The following TACR1 variants were observed in gnomAD, a reference collection of about 807,000 sequenced individuals.
The protein encoded by TACR1 is tachykinin receptor 1.
In TACR1, 25 loss-of-function variants were observed where a neutral mutation model predicts 35.8. The ratio of observed to expected loss-of-function variants is 0.70; its 90% confidence interval spans 0.51 to 0.98. TACR1 has a LOEUF of 0.98. Ranked by LOEUF, TACR1 falls within the 50% of genes least tolerant of loss-of-function variation. The pLI is 0.00. For synonymous variants in TACR1, 195 were observed against 206.7 expected, an observed-to-expected ratio of 0.94 and a Z score of 0.48; for missense variants, 478 against 522.9, an observed-to-expected ratio of 0.91 and a Z score of 0.84.
intron 1 of TACR1, among the ~76,000 whole-genome samples, chr2:75,152,022 A>G (rs886431546): frequency 4.6e-5 from 7 of 152,270 alleles, no homozygotes; most frequent in African/African-American, 1.4e-4. Context: ...GAATGGCTGT[A>G]TTTACCCAAT....
intron 1 of TACR1, among the ~76,000 whole-genome samples, chr2:75,144,112 A>G (rs1299567603): frequency 2.0e-5 from 3 of 152,148 alleles, no homozygotes; most frequent in Non-Finnish European, 4.4e-5. Flanking sequence ...AATGTTCCTA[A>G]CTTTCAGCCG....
chr2:75,068,532 C>CT (rs1227469883), intron 2 of TACR1, among the ~76,000 whole-genome samples: 1 of 152,200 alleles, frequency 6.6e-6, no homozygotes, highest in African/African-American at 2.4e-5. Context: ...ATAATAATAA[C>CT]TACCACTACT....
chr2:75,053,775 A>G lies in TACR1; in HGVS notation c.585-20T>C, dbSNP rs993890421. On this transcript the variant is annotated intron_variant, in intron 2 of 4. Coordinates refer to ENST00000305249, the MANE Select transcript of TACR1 (RefSeq NM_001058.4). Reference sequence around the variant, plus strand: ...TGGTACCTACAGCAAGGTAAACAGGAAAGGTCAGTATGATATACTTATTAT... The same window carrying G: ...TGGTACCTACAGCAAGGTAAACAGGGAAGGTCAGTATGATATACTTATTAT... The G allele has an allele frequency of 3.7e-6, 6 of 1,614,014 alleles. No individual in the cohort carries two copies. In the African/African-American group the frequency reaches 8.0e-5, roughly 22 times the overall value.
At chr2:75,116,911 A>C (rs957239510) in intron 2 of TACR1, among the ~76,000 whole-genome samples, 1 of 146,206 alleles carries the variant, frequency 6.8e-6, no homozygotes, top group Non-Finnish European at 1.5e-5. Flanking sequence ...ACTCCGTCTC[A>C]AAAAAAAAAA....
chr2:75,141,572 G>A (rs1370748359), intron 1 of TACR1, among the ~76,000 whole-genome samples: 1 of 151,852 alleles, frequency 6.6e-6, no homozygotes, highest in Non-Finnish European at 1.5e-5. Flanking sequence ...GATGGTACTA[G>A]GAAAGAACTA....
intron 1 of TACR1, among the ~76,000 whole-genome samples, chr2:75,183,952 C>T (rs890313702): frequency 2.6e-5 from 4 of 152,224 alleles, no homozygotes; most frequent in Non-Finnish European, 5.9e-5. Context: ...AAAAGCTTCT[C>T]ACTGAAGTTC....
intron 1 of TACR1, 76 bp from the exon 2 acceptor site, chr2:75,120,844 C>T (rs1197725001): frequency 8.1e-7 from 1 of 1,229,382 alleles, no homozygotes. Context: ...TTTTTCCTGC[C>T]AATAAGAAAA....
chr2:75,050,252 A>G (rs1672440393), intron 4 of TACR1, among the ~76,000 whole-genome samples: 2 of 152,334 alleles, frequency 1.3e-5, no homozygotes, highest in South Asian at 4.1e-4. Flanking sequence ...GCTAGACTTA[A>G]CCTAAAAAAA....
At chr2:75,109,999 T>TCTCA (rs1422627841) in intron 2 of TACR1, among the ~76,000 whole-genome samples, 3 of 152,156 alleles carry the variant, frequency 2.0e-5, no homozygotes, top group Admixed American at 6.5e-5. Context: ...GATTAAAAGG[T>TCTCA]CTCAGCAATG....
At chr2:75,194,111 A>T (rs967786964) in intron 1 of TACR1, among the ~76,000 whole-genome samples, 1 of 152,134 alleles carries the variant, frequency 6.6e-6, no homozygotes, top group African/African-American at 2.4e-5. Context: ...CCAGTTTTTT[A>T]AAAAAGTAAC....
chr2:75,129,900 A>G (rs1014736465), intron 1 of TACR1, among the ~76,000 whole-genome samples: 2 of 152,152 alleles, frequency 1.3e-5, no homozygotes, highest in African/African-American at 4.8e-5. Flanking sequence ...AGGAAGGGGA[A>G]TGATATTTCC....
intron 2 of TACR1, among the ~76,000 whole-genome samples, chr2:75,108,023 C>A (rs1673685084): frequency 6.6e-6 from 1 of 151,512 alleles, no homozygotes; most frequent in Non-Finnish European, 1.5e-5. Flanking sequence ...TATAAATTAA[C>A]AAATTGAAAA....
At chr2:75,086,129 A>G (rs547506175) in intron 2 of TACR1, among the ~76,000 whole-genome samples, 1 of 152,336 alleles carries the variant, frequency 6.6e-6, no homozygotes, top group African/African-American at 2.4e-5. Flanking sequence ...TTGAGGAGAG[A>G]GAAAATGGAA....
intron 2 of TACR1, among the ~76,000 whole-genome samples, chr2:75,068,371 G>A (rs1276974851): frequency 6.6e-6 from 1 of 152,098 alleles, no homozygotes; most frequent in Admixed American, 6.5e-5. Context: ...AATGTTAATC[G>A]CGTTTACAGA....
intron 2 of TACR1, among the ~76,000 whole-genome samples, chr2:75,069,764 T>C (rs144610863): frequency 2.0e-4 from 30 of 152,340 alleles, no homozygotes; most frequent in Admixed American, 1.0e-3. Flanking sequence ...ATGATTAGAA[T>C]GGGGTTATGG....
intron 1 of TACR1, among the ~76,000 whole-genome samples, chr2:75,136,535 G>T (rs1276034269): frequency 6.6e-6 from 1 of 152,044 alleles, no homozygotes; most frequent in Non-Finnish European, 1.5e-5. Flanking sequence ...AACGAGTCTA[G>T]GGCCTGAATG....
At chr2:75,099,034 C>T (rs1248246790) in intron 2 of TACR1, among the ~76,000 whole-genome samples, 1 of 152,052 alleles carries the variant, frequency 6.6e-6, no homozygotes, top group Admixed American at 6.5e-5. Flanking sequence ...CTGTCAGATG[C>T]CACCCCTCTG....
chr2:75,067,729 C>T (rs901769201), intron 2 of TACR1, among the ~76,000 whole-genome samples: 2 of 152,046 alleles, frequency 1.3e-5, no homozygotes, highest in African/African-American at 4.8e-5. Context: ...CATGCAGAGA[C>T]AAAAGCAGGC....
chr2:75,052,834 C>T (rs1383049504), intron 3 of TACR1, among the ~76,000 whole-genome samples: 2 of 151,738 alleles, frequency 1.3e-5, no homozygotes, highest in African/African-American at 4.8e-5. Flanking sequence ...AGAGGCTTTC[C>T]ATGATAAGAA....
Sources: gnomAD v4.1 joint callset for allele counts (sites outside exome capture counted in the v4.1 genomes callset) on GRCh38, gnomAD v4.1.1 for gene constraint, MANE v1.5 for transcripts, NCBI Gene and HGNC (gene_info 2026-07-23, HGNC 2026-07-21) for gene names.